The following MTCL2 variants were observed in gnomAD, a reference collection of about 807,000 sequenced individuals.
The protein encoded by MTCL2 is microtubule cross-linking factor 2.
the MTCL2 span, chr20:36,828,998 G>T: frequency 6.8e-7 from 1 of 1,469,764 alleles, no homozygotes; most frequent in Non-Finnish European, 9.0e-7. Context: ...GCTTGGGGGG[G>T]CTTGCATGTG....
chr20:36,798,526 T>C, the MTCL2 span, among the ~76,000 whole-genome samples: 3 of 152,332 alleles, frequency 2.0e-5, no homozygotes, highest in South Asian at 6.2e-4. Context: ...GCTCCATCTG[T>C]ACCATCTGAC....
chr20:36,803,616 G>A, the MTCL2 span, among the ~76,000 whole-genome samples: 1 of 152,010 alleles, frequency 6.6e-6, no homozygotes, highest in Admixed American at 6.5e-5. Flanking sequence ...GGAGGGGAGA[G>A]TAGTGGCCCC....
At chr20:36,812,710 G>A in the MTCL2 span, 4 of 1,613,840 alleles carry the variant, frequency 2.5e-6, no homozygotes, top group Non-Finnish European at 3.4e-6. Flanking sequence ...CCACCTCAGA[G>A]GCATAGGAAT....
At chr20:36,824,212 C>T in the MTCL2 span, among the ~76,000 whole-genome samples, 1 of 152,222 alleles carries the variant, frequency 6.6e-6, no homozygotes, top group African/African-American at 2.4e-5. Flanking sequence ...AGAACTAACA[C>T]AGAATCTCAG....
the MTCL2 span, chr20:36,808,417 G>T: frequency 3.2e-6 from 3 of 948,042 alleles, no homozygotes; most frequent in Non-Finnish European, 4.8e-6. Flanking sequence ...GCAGGTATGT[G>T]AGCCTAGGAG....
chr20:36,815,743 C>T, the MTCL2 span: 17 of 1,591,582 alleles, frequency 1.1e-5, no homozygotes, highest in Middle Eastern at 1.6e-4. The surrounding 1 kb of genome is among the most constrained non-coding windows in gnomAD (Gnocchi z 5.3). Flanking sequence ...TGTGAAGGTT[C>T]GCTGAGCACA....
At chr20:36,803,923 C>T in the MTCL2 span, among the ~76,000 whole-genome samples, 1 of 141,948 alleles carries the variant, frequency 7.0e-6, no homozygotes, top group South Asian at 2.3e-4. Flanking sequence ...CACCACTGCA[C>T]TCCAGCCTGA....
chr20:36,806,202 A>G, the MTCL2 span, among the ~76,000 whole-genome samples: 9 of 152,166 alleles, frequency 5.9e-5, no homozygotes, highest in Non-Finnish European at 1.2e-4. Flanking sequence ...CACTCCCACA[A>G]TGCTACATAA....
the MTCL2 span, among the ~76,000 whole-genome samples, chr20:36,841,874 G>GGGGGGT: frequency 6.6e-4 from 73 of 110,860 alleles, no homozygotes; most frequent in East Asian, 3.3e-3. Flanking sequence ...TGGGGGGTGG[G>GGGGGGT]GTGTGTGTGT....
the MTCL2 span, chr20:36,862,833 C>A: frequency 7.6e-7 from 1 of 1,308,490 alleles, no homozygotes; most frequent in Non-Finnish European, 9.7e-7. Context: ...GGCGGGCGGC[C>A]GCGGGGGCTG....
At chr20:36,846,945 G>A in the MTCL2 span, among the ~76,000 whole-genome samples, 2 of 152,222 alleles carry the variant, frequency 1.3e-5, no homozygotes. Context: ...CAGAGGCAGA[G>A]GTTGCAGTGA....
chr20:36,815,705 C>A, the MTCL2 span: 2 of 1,603,418 alleles, frequency 1.2e-6, no homozygotes, highest in Non-Finnish European at 1.7e-6. The surrounding 1 kb of genome is among the most constrained non-coding windows in gnomAD (Gnocchi z 5.3). Flanking sequence ...GCTCGCCGAT[C>A]TGCAGCTTGG....
At chr20:36,789,385 G>A in the MTCL2 span, among the ~76,000 whole-genome samples, 2 of 152,214 alleles carry the variant, frequency 1.3e-5, no homozygotes, top group East Asian at 3.8e-4. Flanking sequence ...TTCTCAGCCA[G>A]GCGCAGTGGC....
At chr20:36,803,090 C>G in the MTCL2 span, 2 of 1,607,074 alleles carry the variant, frequency 1.2e-6, no homozygotes, top group Non-Finnish European at 1.7e-6. Context: ...CGGCCCCCTT[C>G]CCTGTCTTCA....
At chr20:36,780,927 G>A in the MTCL2 span, 1 of 152,120 alleles carries the variant, frequency 6.6e-6, no homozygotes, top group Non-Finnish European at 1.5e-5. Flanking sequence ...GGGCCAACAT[G>A]CTTGCTTCCC....
the MTCL2 span, among the ~76,000 whole-genome samples, chr20:36,806,409 T>C: frequency 6.6e-6 from 1 of 152,232 alleles, no homozygotes; most frequent in Admixed American, 6.5e-5. Context: ...ATGCTGGGAT[T>C]ACAGGCGCGA....
the MTCL2 span, chr20:36,805,786 A>G: frequency 3.7e-6 from 5 of 1,338,982 alleles, no homozygotes; most frequent in Non-Finnish European, 4.1e-6. Flanking sequence ...AAGCAGTAGG[A>G]ATTGATTACT....
At chr20:36,794,935 T>A in the MTCL2 span, among the ~76,000 whole-genome samples, 80 of 151,610 alleles carry the variant, frequency 5.3e-4, no homozygotes, top group Middle Eastern at 6.8e-3. This position sits in a 1 kb window ranked among gnomAD's most constrained non-coding sequence, Gnocchi z 5.4. Flanking sequence ...AACCTGGCTT[T>A]TTTTTTTCTT....
chr20:36,816,214 C>A, the MTCL2 span: 1 of 1,613,470 alleles, frequency 6.2e-7, no homozygotes, highest in South Asian at 1.1e-5. Flanking sequence ...TTCATGCTGT[C>A]ATTCTCCTTG....
Sources: allele counts gnomAD v4.1 joint callset (sites outside exome capture counted in the v4.1 genomes callset), GRCh38; gene constraint gnomAD v4.1.1; non-coding constraint Gnocchi (gnomAD v3.1); transcripts MANE v1.5; gene names NCBI Gene and HGNC (gene_info 2026-07-23, HGNC 2026-07-21).